KCNH1: variants seen among roughly 807,000 people sequenced by gnomAD.
KCNH1 encodes the protein potassium voltage-gated channel subfamily H member 1.
Under a neutral mutation model 69.2 loss-of-function variants are expected in KCNH1, and 27 were observed. The ratio of observed to expected loss-of-function variants is 0.39; its 90% CI spans 0.29 to 0.54. KCNH1 has a LOEUF of 0.54. Ranked by LOEUF, KCNH1 falls within the 20% of genes least tolerant of loss-of-function variation. KCNH1 has a pLI of 0.68. For synonymous variants in KCNH1, 456 were observed against 487.7 expected (o/e 0.93, Z 0.86); for missense variants, 798 against 1,261.6 (o/e 0.63, Z 5.57).
chr1:211,070,424 A>ACAC lies in KCNH1; in HGVS notation c.558+12355_558+12356insGTG, dbSNP rs1232138926. On this transcript the variant is annotated intron_variant, in intron 5 of 10. Coordinates refer to ENST00000271751, the MANE Select transcript of KCNH1 (RefSeq NM_172362.3). Reference sequence around the variant, plus strand: ...CAGAGCGAGACTCCACCTTTAAAAAAAAAAAAACACACACACACACACACA... The same window carrying ACAC: ...CAGAGCGAGACTCCACCTTTAAAAAACACAAAAAAACACACACACACACACACA... Among the ~76,000 whole-genome samples the ACAC allele has an allele frequency of 8.3e-3, 911 of 110,002 alleles. 3 individuals carry two copies. The highest frequency in any genetic ancestry group is 0.018 in the East Asian group (79 of 4,416). The allele number at this position is 110,002 out of a possible 152,430, so 72.2% of individuals were successfully genotyped here. A position where few individuals can be genotyped will look rare whatever the true frequency, so the allele number is the denominator to read the frequency against.
chr1:210,761,249 CA>C lies in KCNH1; in HGVS notation c.2112+14098del, dbSNP rs58988658. On this transcript the variant is annotated intron_variant, in intron 10 of 10. Coordinates refer to ENST00000271751, the MANE Select transcript of KCNH1 (RefSeq NM_172362.3). ...CCTGGGCGACAGAGCGAGACTCCGT[CA>C]AAAAAAAAAAAAAAAAAAAAAAAAA... is the stretch of plus-strand genomic sequence containing the variant. Among the ~76,000 whole-genome samples, 195 of 37,092 alleles carry C rather than the reference CA, an allele frequency of 5.3e-3. 1 individual carries two copies. Among genetic ancestry groups the C allele is most frequent in the African/African-American group, 0.016 (147 of 9,038 alleles). 24.3% of individuals were successfully genotyped at this position (37,092 alleles called of 152,430 possible).
intron 5 of KCNH1, among the ~76,000 whole-genome samples, chr1:211,067,372 C>G (rs566665766): frequency 6.6e-6 from 1 of 152,178 alleles, no homozygotes; most frequent in Admixed American, 6.5e-5. Context: ...CCAGTGAGCA[C>G]CCACCCACGA....
intron 4 of KCNH1, 46 bp downstream of exon 4, chr1:211,090,516 A>G: frequency 6.5e-7 from 1 of 1,537,994 alleles, no homozygotes; most frequent in Non-Finnish European, 8.8e-7. Context: ...GCCACAATAA[A>G]GACAAAAAAG....
chr1:210,735,419 T>A (rs1682853673), intron 10 of KCNH1, among the ~76,000 whole-genome samples: 1 of 54,706 alleles, frequency 1.8e-5, no homozygotes, highest in African/African-American at 6.4e-5. Flanking sequence ...AATGAGTGAG[T>A]GAGTGTGTGT....
chr1:210,878,142 T>C (rs1686420204), intron 7 of KCNH1, among the ~76,000 whole-genome samples: 1 of 152,096 alleles, frequency 6.6e-6, no homozygotes, highest in Non-Finnish European at 1.5e-5. Flanking sequence ...TTAATAAGTA[T>C]GCACCCAAAA....
At chr1:210,715,225 A>G (rs1404798690) in intron 10 of KCNH1, among the ~76,000 whole-genome samples, 1 of 152,182 alleles carries the variant, frequency 6.6e-6, no homozygotes, top group East Asian at 1.9e-4. Context: ...GGAAGAACCA[A>G]TGTGCTGCCT....
chr1:211,108,118 C>A (rs535896157), intron 1 of KCNH1, among the ~76,000 whole-genome samples: 1 of 152,258 alleles, frequency 6.6e-6, no homozygotes, highest in Admixed American at 6.5e-5. Context: ...TTTAGGTAGG[C>A]TAGTTGTGTT....
intron 10 of KCNH1, among the ~76,000 whole-genome samples, chr1:210,735,598 G>A (rs1682859166): frequency 6.6e-6 from 1 of 152,038 alleles, no homozygotes; most frequent in Non-Finnish European, 1.5e-5. Flanking sequence ...AAAGTCTGCT[G>A]ATCAGTCCCT....
At chr1:210,982,389 T>A (rs1296986393) in intron 6 of KCNH1, among the ~76,000 whole-genome samples, 1 of 152,044 alleles carries the variant, frequency 6.6e-6, no homozygotes, top group Admixed American at 6.6e-5. Flanking sequence ...CATTTAGCAT[T>A]AGGTATATCT....
intron 6 of KCNH1, among the ~76,000 whole-genome samples, chr1:210,995,851 C>G (rs1415658610): frequency 2.6e-5 from 4 of 152,120 alleles, no homozygotes; most frequent in Non-Finnish European, 5.9e-5. Context: ...TAGTAAAAGA[C>G]AGAATGTATC....
At chr1:210,850,983 A>C (rs1685686320) in intron 7 of KCNH1, among the ~76,000 whole-genome samples, 1 of 152,242 alleles carries the variant, frequency 6.6e-6, no homozygotes, top group Non-Finnish European at 1.5e-5. Context: ...AGCTCTCTGC[A>C]TTCTCATGCT....
At chr1:210,832,921 T>C (rs202050999) in intron 7 of KCNH1, among the ~76,000 whole-genome samples, 10 of 144,294 alleles carry the variant, frequency 6.9e-5, no homozygotes, top group South Asian at 2.2e-4. Flanking sequence ...TATATATATA[T>C]ACATATAAAT....
At chr1:210,727,446 C>T (rs143564756) in intron 10 of KCNH1, among the ~76,000 whole-genome samples, 3 of 152,122 alleles carry the variant, frequency 2.0e-5, no homozygotes, top group Admixed American at 2.0e-4. Flanking sequence ...AAATCCTCCA[C>T]CTTGGCCTCC....
chr1:211,066,938 C>T (rs1690541129), intron 5 of KCNH1, among the ~76,000 whole-genome samples: 2 of 152,158 alleles, frequency 1.3e-5, no homozygotes, highest in Admixed American at 1.3e-4. Flanking sequence ...CCTACATGGT[C>T]GTGCCTACGC....
chr1:211,113,784 T>G (rs1022914106), intron 1 of KCNH1, among the ~76,000 whole-genome samples: 1 of 151,790 alleles, frequency 6.6e-6, no homozygotes, highest in Non-Finnish European at 1.5e-5. Flanking sequence ...GTTATCACAG[T>G]GGAGTGAGCT....
At chr1:210,728,907 G>A (rs1682674930) in intron 10 of KCNH1, among the ~76,000 whole-genome samples, 2 of 152,170 alleles carry the variant, frequency 1.3e-5, no homozygotes, top group Admixed American at 1.3e-4. Context: ...CTGCTAAAGG[G>A]CCCTCATTAG....
At chr1:210,979,793 CTA>C (rs1688678144) in intron 6 of KCNH1, among the ~76,000 whole-genome samples, 1 of 152,134 alleles carries the variant, frequency 6.6e-6, no homozygotes, top group African/African-American at 2.4e-5. Flanking sequence ...TCAGCACACC[CTA>C]TGTAATGCTT....
rs568442232 is a variant in KCNH1 at position 210,882,976 on chromosome 1, G to A, written c.1462+36664C>T. ...AAGACTGTGAAGTATGCAGCCACAG[G>A]AATGCATTACGGAAGAATGAGTAAT... On this transcript the variant is annotated intron_variant, in intron 7 of 10. Transcript: ENST00000271751. Among the ~76,000 whole-genome samples, 48 of 152,262 alleles carry A rather than the reference G, an allele frequency of 3.2e-4. No homozygotes were observed. In the Middle Eastern group the frequency reaches 0.014, roughly 43 times the overall value.
chr1:210,948,892 A>G (rs1688013193), intron 6 of KCNH1, among the ~76,000 whole-genome samples: 1 of 152,008 alleles, frequency 6.6e-6, no homozygotes, highest in South Asian at 2.1e-4. Context: ...GGGTTATAAC[A>G]AAACTTTATT....
Sources: allele counts gnomAD v4.1 joint callset (sites outside exome capture counted in the v4.1 genomes callset), GRCh38; gene constraint gnomAD v4.1.1; transcripts MANE v1.5; gene names NCBI Gene and HGNC (gene_info 2026-07-23, HGNC 2026-07-21).